Variants in ARHGEF10L observed in about 807,000 individuals in gnomAD.
ARHGEF10L encodes Rho guanine nucleotide exchange factor 10 like, also known as rho guanine nucleotide exchange factor 10-like protein.
Under a neutral mutation model 141.2 loss-of-function variants are expected in ARHGEF10L, and 69 were observed. The observed-to-expected ratio is 0.49, with a 90% CI of 0.40 to 0.60. The LOEUF (loss-of-function observed/expected upper bound fraction) is 0.60, where lower values mean the gene tolerates loss of function less well. Ranked by LOEUF, ARHGEF10L falls within the 20% of genes least tolerant of loss-of-function variation. The probability of loss-of-function intolerance (pLI) is 0.00; values close to 1 mark genes in which losing one functional copy is unlikely to be tolerated. For synonymous variants in ARHGEF10L, 711 were observed against 718.5 expected (o/e 0.99, Z 0.17); for missense variants, 1,482 against 1,734.3 (o/e 0.85, Z 2.58).
chr1:17,621,945 C>T lies in ARHGEF10L; in HGVS notation c.1020+4C>T, dbSNP rs774089879. ...GTCTCTGAAGCGGATACTCCAGGTG[C>T]GACTTCAGGGAGTTCTCAAGGGTCT... On this transcript the variant is annotated splice_donor_region_variant and intron_variant, in intron 11 of 28. Transcript: ENST00000361221. The surrounding 1 kb of genome is among the most constrained non-coding windows in gnomAD (Gnocchi z 4.1). 103 of 1,613,932 alleles carry T rather than the reference C, an allele frequency of 6.4e-5. No individual in the cohort carries two copies. The highest frequency in any genetic ancestry group is 8.6e-5 in the Non-Finnish European group (102 of 1,179,950).
chr1:17,591,995 A>C (rs1307622939), intron 4 of ARHGEF10L, among the ~76,000 whole-genome samples: 2 of 152,248 alleles, frequency 1.3e-5, no homozygotes, highest in Non-Finnish European at 2.9e-5. Context: ...GGCTGGGACT[A>C]GGCCTGTCTG....
chr1:17,538,662 T>C (rs985527265), upstream of ARHGEF10L, among the ~76,000 whole-genome samples: 1 of 147,184 alleles, frequency 6.8e-6, no homozygotes, highest in Non-Finnish European at 1.5e-5. Flanking sequence ...TGGTAGCCCC[T>C]GAGGCTGGTG....
chr1:17,659,936 C>A (rs2062508928), intron 25 of ARHGEF10L, among the ~76,000 whole-genome samples: 1 of 152,208 alleles, frequency 6.6e-6, no homozygotes, highest in Non-Finnish European at 1.5e-5. Context: ...GCTGGAGTGG[C>A]CTCAGAGTCC....
intron 1 of ARHGEF10L, among the ~76,000 whole-genome samples, chr1:17,542,186 T>G (rs2100613054): frequency 6.6e-6 from 1 of 151,776 alleles, no homozygotes; most frequent in South Asian, 2.1e-4. Flanking sequence ...TGGTGGCTCA[T>G]GCTTGTAATC....
At position 17,558,169 on chromosome 1, in the gene ARHGEF10L, G is replaced by GCATCCATCCATCCATCCACC. The variant is rs1183383036; in HGVS notation, c.-44+18238_-44+18257dup. ...TCCATTTATCCATCCATCCATCTAT[G>GCATCCATCCATCCATCCACC]CATCCATCCATCCATCCACCCATCC... On this transcript the variant is annotated intron_variant, in intron 1 of 28. Coordinates refer to ENST00000361221, the MANE Select transcript of ARHGEF10L (RefSeq NM_018125.4). This position sits in a 1 kb window ranked among gnomAD's most constrained non-coding sequence, Gnocchi z 4.2. 6.7e-6 allele frequency among the ~76,000 whole-genome samples: 1 copy of GCATCCATCCATCCATCCACC among 149,654 alleles called. No individual in the cohort carries two copies. The highest frequency in any genetic ancestry group is 1.5e-5 in the Non-Finnish European group (1 of 67,332).
chr1:17,548,722 C>T (rs1454070700), intron 1 of ARHGEF10L, among the ~76,000 whole-genome samples: 2 of 140,782 alleles, frequency 1.4e-5, no homozygotes, highest in African/African-American at 5.4e-5. Context: ...GGTCTTGGCT[C>T]ACTGCATCCT....
At chr1:17,648,472 C>T in intron 21 of ARHGEF10L, 82 bp from the exon 22 acceptor site, 1 of 1,558,884 alleles carries the variant, frequency 6.4e-7, no homozygotes, top group Non-Finnish European at 8.7e-7. Context: ...GCAGTGGCTC[C>T]CTGGGGCTTG....
intron 25 of ARHGEF10L, among the ~76,000 whole-genome samples, chr1:17,661,761 G>A (rs1032647441): frequency 1.3e-5 from 2 of 152,228 alleles, no homozygotes; most frequent in Admixed American, 1.3e-4. Flanking sequence ...CCACTGGGGG[G>A]CGCTCAAAGC....
the ARHGEF10L span, among the ~76,000 whole-genome samples, chr1:17,517,296 T>G: frequency 6.6e-6 from 1 of 152,200 alleles, no homozygotes; most frequent in Non-Finnish European, 1.5e-5. Context: ...GTTGTGAAGC[T>G]TATATGAAAT....
intron 26 of ARHGEF10L, among the ~76,000 whole-genome samples, chr1:17,679,722 G>T (rs1255937943): frequency 2.0e-5 from 3 of 152,072 alleles, no homozygotes; most frequent in Non-Finnish European, 4.4e-5. Context: ...CGTGACCCCG[G>T]GTCTGAATTC....
chr1:17,517,489 A>G, the ARHGEF10L span, among the ~76,000 whole-genome samples: 1 of 151,690 alleles, frequency 6.6e-6, no homozygotes, highest in African/African-American at 2.4e-5. Flanking sequence ...ATGCCTGGCT[A>G]GTTTTTGTAG....
rs532979898 is a variant in ARHGEF10L at position 17,693,434 on chromosome 1, C to T, written c.3185-1724C>T. On this transcript the variant is annotated intron_variant, in intron 27 of 28. Transcript: ENST00000361221. Reference sequence around the variant, plus strand: ...GTGTTAGGCAATGCTGGGTGTACCCCGAGTCGGTAACCTGCCTTTTGGGGT... The same window carrying T: ...GTGTTAGGCAATGCTGGGTGTACCCTGAGTCGGTAACCTGCCTTTTGGGGT... Among the ~76,000 whole-genome samples, 6 of 152,288 alleles carry T rather than the reference C, an allele frequency of 3.9e-5. No homozygotes were observed. In the South Asian group the frequency reaches 6.2e-4, roughly 16 times the overall value.
intron 26 of ARHGEF10L, among the ~76,000 whole-genome samples, chr1:17,678,400 C>T (rs1192829875): frequency 6.6e-6 from 1 of 150,840 alleles, no homozygotes; most frequent in African/African-American, 2.4e-5. Context: ...TAGCCAGGTG[C>T]ACTGATAGAT....
chr1:17,602,003 C>G, intron 4 of ARHGEF10L, 124 bp from the exon 5 acceptor site: 1 of 813,476 alleles, frequency 1.2e-6, no homozygotes, highest in East Asian at 2.8e-5. Context: ...CACCTCAGGT[C>G]TCCCCAGCAG....
At chr1:17,663,120 C>T (rs1298917856) in intron 25 of ARHGEF10L, among the ~76,000 whole-genome samples, 1 of 152,126 alleles carries the variant, frequency 6.6e-6, no homozygotes, top group Non-Finnish European at 1.5e-5. Flanking sequence ...ACAATCTTGG[C>T]GCGCGCCGCT....
At chr1:17,583,652 C>T (rs754897952) in intron 2 of ARHGEF10L, among the ~76,000 whole-genome samples, 4 of 152,070 alleles carry the variant, frequency 2.6e-5, no homozygotes, top group Non-Finnish European at 5.9e-5. Context: ...GGTGGCCCGA[C>T]TCTAGAACCT....
chr1:17,638,759 A>G, intron 20 of ARHGEF10L, 70 bp downstream of exon 20: 1 of 1,597,028 alleles, frequency 6.3e-7, no homozygotes, highest in Non-Finnish European at 8.5e-7. Flanking sequence ...GGGGATCCGG[A>G]GAGGGTACCT....
At chr1:17,687,850 C>T (rs1034203627) in intron 27 of ARHGEF10L, 103 bp downstream of exon 27, 2 of 1,288,532 alleles carry the variant, frequency 1.6e-6, no homozygotes, top group African/African-American at 3.0e-5. Context: ...CCTCATCAGC[C>T]CTGAAAACTG....
intron 1 of ARHGEF10L, among the ~76,000 whole-genome samples, chr1:17,547,386 C>T (rs1219283719): frequency 6.6e-6 from 1 of 152,202 alleles, no homozygotes; most frequent in Non-Finnish European, 1.5e-5. Flanking sequence ...TTTGGAACCC[C>T]TCTTTCTCCT....
Sources: allele counts gnomAD v4.1 joint callset (sites outside exome capture counted in the v4.1 genomes callset), GRCh38; gene constraint gnomAD v4.1.1; non-coding constraint Gnocchi (gnomAD v3.1); transcripts MANE v1.5; gene names NCBI Gene and HGNC (gene_info 2026-07-23, HGNC 2026-07-21).